ZFHX3: variants seen among roughly 807,000 people sequenced by gnomAD.
The protein encoded by ZFHX3 is zinc finger homeobox protein 3.
Under a neutral mutation model 279.1 loss-of-function variants are expected in ZFHX3, and 42 were observed. The observed-to-expected ratio is 0.15, with a 90% CI of 0.12 to 0.19. ZFHX3 has a LOEUF of 0.19. Ranked by LOEUF, ZFHX3 falls within the 10% of genes least tolerant of loss-of-function variation. The pLI, the probability that ZFHX3 is intolerant of heterozygous loss-of-function variation, is 1.00. For missense variants in ZFHX3, 4,981 were observed against 4,754.0 expected (o/e 1.05, Z -1.40); for synonymous variants, 2,293 against 1,957.8 (o/e 1.17, Z -4.52).
At chr16:73,103,099 A>T (rs1966251261) in intron 7 of ZFHX3, among the ~76,000 whole-genome samples, 1 of 151,948 alleles carries the variant, frequency 6.6e-6, no homozygotes, top group Non-Finnish European at 1.5e-5. Flanking sequence ...TAATTTTTGT[A>T]TTTTTGGTAG....
chr16:73,665,289 T>C (rs184025022), intron 2 of ZFHX3, among the ~76,000 whole-genome samples: 69 of 151,126 alleles, frequency 4.6e-4, no homozygotes, highest in African/African-American at 1.6e-3. Flanking sequence ...TCCTGGCTCA[T>C]TGCAACCTCC....
chr16:73,732,970 T>C (rs576484364), intron 1 of ZFHX3, among the ~76,000 whole-genome samples: 10 of 152,328 alleles, frequency 6.6e-5, no homozygotes, highest in Middle Eastern at 3.4e-3. Flanking sequence ...ACTCTTGCTG[T>C]TGGGTTTTGT....
intron 4 of ZFHX3, among the ~76,000 whole-genome samples, chr16:73,272,340 T>C (rs1487931782): frequency 6.6e-6 from 1 of 152,178 alleles, no homozygotes; most frequent in Admixed American, 6.5e-5. Context: ...TATTGGTCTT[T>C]GAAGTAAAAA....
At chr16:73,191,949 A>G (rs954482765) in intron 5 of ZFHX3, among the ~76,000 whole-genome samples, 5 of 152,230 alleles carry the variant, frequency 3.3e-5, no homozygotes, top group East Asian at 3.9e-4. Flanking sequence ...CTGACCCACC[A>G]AACACATCAA....
At chr16:73,045,958 TAATTAAATA>T (rs1240296474) in intron 1 of ZFHX3, among the ~76,000 whole-genome samples, 1 of 152,072 alleles carries the variant, frequency 6.6e-6, no homozygotes, top group Non-Finnish European at 1.5e-5. Flanking sequence ...AACACTTGTG[TAATTAAATA>T]AAAGAGCCAA....
At chr16:73,429,199 G>C (rs1479019817) in intron 3 of ZFHX3, among the ~76,000 whole-genome samples, 1 of 152,168 alleles carries the variant, frequency 6.6e-6, no homozygotes, top group Middle Eastern at 3.2e-3. Context: ...GAAGTTCTAT[G>C]GTTCAAGAGA....
chr16:73,210,695 T>C (rs756460431), intron 5 of ZFHX3, among the ~76,000 whole-genome samples: 54 of 152,250 alleles, frequency 3.5e-4, no homozygotes, highest in Non-Finnish European at 6.8e-4. Flanking sequence ...TCAAGTCAGC[T>C]CTGCAGAGGT....
At chr16:73,815,381 C>T (rs1960539075) in intron 1 of ZFHX3, among the ~76,000 whole-genome samples, 1 of 152,040 alleles carries the variant, frequency 6.6e-6, no homozygotes, top group Non-Finnish European at 1.5e-5. Flanking sequence ...ACAGAAAACC[C>T]CATGCAGGAT....
intron 4 of ZFHX3, among the ~76,000 whole-genome samples, chr16:73,272,090 T>A (rs1196989176): frequency 1.3e-5 from 2 of 152,164 alleles, no homozygotes; most frequent in Non-Finnish European, 2.9e-5. Context: ...CATGTCGAAG[T>A]TTTCATCCGT....
chr16:73,752,483 T>G (rs753839207), intron 1 of ZFHX3, among the ~76,000 whole-genome samples: 15 of 152,318 alleles, frequency 9.8e-5, no homozygotes, highest in Non-Finnish European at 1.8e-4. Flanking sequence ...CTGTTTACTC[T>G]CTTTTCCTCT....
intron 3 of ZFHX3, among the ~76,000 whole-genome samples, chr16:72,922,425 C>G (rs759186866): frequency 3.3e-5 from 5 of 152,176 alleles, no homozygotes; most frequent in Non-Finnish European, 7.3e-5. Context: ...TCATCTCATC[C>G]TATTCCACCC....
chr16:73,367,978 CT>C (rs2016559683), intron 3 of ZFHX3, among the ~76,000 whole-genome samples: 1 of 149,158 alleles, frequency 6.7e-6, no homozygotes, highest in Admixed American at 6.8e-5. Flanking sequence ...TCAAGCAATT[CT>C]TGTGCCTCAG....
intron 6 of ZFHX3, among the ~76,000 whole-genome samples, chr16:73,139,632 C>T (rs547330652): frequency 2.6e-5 from 4 of 152,332 alleles, no homozygotes; most frequent in African/African-American, 9.6e-5. Context: ...TGGGAAAGAG[C>T]TTTGGCTGGG....
chr16:73,434,771 G>T (rs2143523015), intron 3 of ZFHX3, among the ~76,000 whole-genome samples: 1 of 152,260 alleles, frequency 6.6e-6, no homozygotes, highest in East Asian at 1.9e-4. Context: ...TGGAGGTGAG[G>T]AAGGTCAGTG....
chr16:72,945,497 A>G (rs2144365498), intron 3 of ZFHX3, among the ~76,000 whole-genome samples: 1 of 152,256 alleles, frequency 6.6e-6, no homozygotes, highest in South Asian at 2.1e-4. Flanking sequence ...GCAGGCCTCC[A>G]GCTGCTCCAG....
At chr16:73,471,171 C>T (rs984091041) in intron 2 of ZFHX3, among the ~76,000 whole-genome samples, 1 of 152,146 alleles carries the variant, frequency 6.6e-6, no homozygotes, top group African/African-American at 2.4e-5. Flanking sequence ...ATTAATGGTG[C>T]CGTGTAGGAA....
chr16:73,686,338 CCCA>C (rs1417749608), intron 1 of ZFHX3, among the ~76,000 whole-genome samples: 1 of 152,178 alleles, frequency 6.6e-6, no homozygotes, highest in East Asian at 1.9e-4. Context: ...TCGTGATCCA[CCCA>C]CCTCGGCCTC....
chr16:73,300,025 A>T (rs952790562), intron 4 of ZFHX3, among the ~76,000 whole-genome samples: 5 of 152,140 alleles, frequency 3.3e-5, no homozygotes, highest in African/African-American at 1.2e-4. Context: ...TCAGTTAACA[A>T]GTTTGGTGTG....
At chr16:72,955,183 A>C (rs1284193486) in intron 2 of ZFHX3, among the ~76,000 whole-genome samples, 1 of 152,296 alleles carries the variant, frequency 6.6e-6, no homozygotes, top group Admixed American at 6.5e-5. Context: ...CGGCCCAAGG[A>C]AGGCACAGGT....
Sources: allele counts gnomAD v4.1 joint callset (sites outside exome capture counted in the v4.1 genomes callset), GRCh38; gene constraint gnomAD v4.1.1; transcripts MANE v1.5; gene names NCBI Gene and HGNC (gene_info 2026-07-23, HGNC 2026-07-21).